The following MAOA variants were observed in gnomAD, a reference collection of about 807,000 sequenced individuals.
MAOA encodes amine oxidase [flavin-containing] A.
Under a neutral mutation model 42.0 loss-of-function variants are expected in MAOA, and 6 were observed. The ratio of observed to expected loss-of-function variants is 0.14; its 90% CI spans 0.08 to 0.28. MAOA has a LOEUF of 0.28. Among genes scored for constraint, MAOA ranks in the 10% least tolerant of loss-of-function variants. MAOA has a pLI of 1.00. For missense variants in MAOA, 262 were observed against 422.3 expected (o/e 0.62, Z 3.33); for synonymous variants, 140 against 154.0 (o/e 0.91, Z 0.67).
intron 3 of MAOA, among the ~76,000 whole-genome samples, chrX:43,698,852 T>C (rs774209428): frequency 4.7e-4 from 53 of 112,416 alleles, no homozygotes; most frequent in Non-Finnish European, 9.0e-4. Context: ...ATATCTGATC[T>C]GTGAAATTAA....
chrX:43,665,653 G>A (rs1303222545), intron 1 of MAOA, among the ~76,000 whole-genome samples: 1 of 111,683 alleles, frequency 9.0e-6, no homozygotes, highest in Non-Finnish European at 1.9e-5. Context: ...TGAATTCAGG[G>A]CAAATTGAAG....
chrX:43,743,374 G>T (rs765905426), intron 12 of MAOA, among the ~76,000 whole-genome samples: 2 of 111,140 alleles, frequency 1.8e-5, no homozygotes, highest in African/African-American at 6.6e-5. Flanking sequence ...AGTTCCTCCT[G>T]ACACACTGGG....
intron 3 of MAOA, among the ~76,000 whole-genome samples, chrX:43,703,358 C>T (rs1202314016): frequency 8.9e-6 from 1 of 111,866 alleles, no homozygotes; most frequent in Non-Finnish European, 1.9e-5. Context: ...TGTCTTGTTA[C>T]GAGGAGGACG....
At chrX:43,689,062 G>A (rs2033511662) in intron 2 of MAOA, among the ~76,000 whole-genome samples, 1 of 109,944 alleles carries the variant, frequency 9.1e-6, no homozygotes, top group Admixed American at 9.7e-5. Context: ...TAGATTCAGG[G>A]GGTACAGGAT....
At chrX:43,730,046 T>G (rs1255257971) in intron 6 of MAOA, among the ~76,000 whole-genome samples, 3 of 108,717 alleles carry the variant, frequency 2.8e-5, no homozygotes, top group African/African-American at 1.0e-4. Flanking sequence ...ATACAAAAAT[T>G]AGCCAGGTGT....
At chrX:43,713,519 G>A (rs887066722) in intron 5 of MAOA, among the ~76,000 whole-genome samples, 7 of 111,824 alleles carry the variant, frequency 6.3e-5, no homozygotes, top group African/African-American at 2.3e-4. Flanking sequence ...GGAATACTAG[G>A]AAATGAGAGG....
chrX:43,729,477 G>A (rs150287750), intron 6 of MAOA, among the ~76,000 whole-genome samples: 1,123 of 111,673 alleles, frequency 0.01, 16 homozygotes, highest in African/African-American at 0.035. Context: ...TAGACCTGGA[G>A]GGGTGGACAG....
chrX:43,736,764 G>GT lies in MAOA; in HGVS notation c.1106+497dup, dbSNP rs1238461275. Among the ~76,000 whole-genome samples, 801 of 101,296 alleles carry GT rather than the reference G, an allele frequency of 7.9e-3. 11 individuals are homozygous for GT. Among genetic ancestry groups the GT allele is most frequent in the Admixed American group, 0.05 (469 of 9,368 alleles). 88.0% of individuals were successfully genotyped at this position (101,296 alleles called of 115,157 possible). ...GTATAAAATTTATTTTAGGACAGTGGTTTTTTTTTTTTTCTTTCTTTCTCC... is the reference window on the plus strand; with the variant it reads ...GTATAAAATTTATTTTAGGACAGTGGTTTTTTTTTTTTTTCTTTCTTTCTCC... On this transcript the variant is annotated intron_variant, in intron 10 of 14. Coordinates refer to ENST00000338702, the MANE Select transcript of MAOA (RefSeq NM_000240.4).
At chrX:43,710,335 G>A (rs1011302994) in intron 3 of MAOA, among the ~76,000 whole-genome samples, 10 of 112,460 alleles carry the variant, frequency 8.9e-5, no homozygotes, top group African/African-American at 3.2e-4. Context: ...CACATATTCT[G>A]CCAAGGTTAT....
chrX:43,736,493 A>G (rs2033921131), intron 10 of MAOA, among the ~76,000 whole-genome samples: 1 of 111,356 alleles, frequency 9.0e-6, no homozygotes, highest in African/African-American at 3.3e-5. Context: ...TTTATTTTAC[A>G]GTAGTTAAGA....
At chrX:43,683,029 A>G (rs1199317166) in intron 1 of MAOA, among the ~76,000 whole-genome samples, 2 of 112,047 alleles carry the variant, frequency 1.8e-5, no homozygotes, top group African/African-American at 3.2e-5. Context: ...TCTAGCAAGC[A>G]TGTAATCAAA....
At chrX:43,668,218 C>T (rs183795566) in intron 1 of MAOA, among the ~76,000 whole-genome samples, 18 of 112,260 alleles carry the variant, frequency 1.6e-4, no homozygotes, top group African/African-American at 4.8e-4. Flanking sequence ...TTTTATATTT[C>T]TCCAGTTATG....
chrX:43,731,679 TTG>T lies in MAOA; in HGVS notation c.796-7_796-6del, dbSNP rs776818874. Reference sequence around the variant, plus strand: ...GCTCACATTTGAGGTAATATTTTGCTTGTGTGTGTTTTAGTGCAAATACGTAA... The same window carrying T: ...GCTCACATTTGAGGTAATATTTTGCTTGTGTGTTTTAGTGCAAATACGTAA... On this transcript the variant is annotated splice_polypyrimidine_tract_variant and intron_variant, in intron 7 of 14. Coordinates refer to ENST00000338702, the MANE Select transcript of MAOA (RefSeq NM_000240.4). 8.3e-7 allele frequency: 1 copy of T among 1,207,896 alleles called. No homozygotes were observed. The highest frequency in any genetic ancestry group is 1.8e-5 in the South Asian group (1 of 56,885).
intron 2 of MAOA, among the ~76,000 whole-genome samples, chrX:43,686,073 T>C (rs941308340): frequency 8.9e-6 from 1 of 112,475 alleles, no homozygotes; most frequent in Non-Finnish European, 1.9e-5. Context: ...ATAGTGCAAA[T>C]GAAGAGCTGC....
At chrX:43,712,959 A>C (rs1046203442) in intron 5 of MAOA, among the ~76,000 whole-genome samples, 163 bp downstream of exon 5, 1 of 112,821 alleles carries the variant, frequency 8.9e-6, no homozygotes, top group African/African-American at 3.2e-5. Flanking sequence ...AAAGTAGGTT[A>C]GAACAGAAAA....
intron 3 of MAOA, among the ~76,000 whole-genome samples, chrX:43,705,831 T>C (rs2033655313): frequency 8.9e-6 from 1 of 112,170 alleles, no homozygotes; most frequent in Non-Finnish European, 1.9e-5. Flanking sequence ...AAAAAAGATA[T>C]GCACATGATC....
chrX:43,722,658 T>C (rs773366727), intron 5 of MAOA, among the ~76,000 whole-genome samples: 1 of 111,996 alleles, frequency 8.9e-6, no homozygotes, highest in East Asian at 2.8e-4. Flanking sequence ...CTGATAATAA[T>C]TTATTTTGCT....
At chrX:43,709,561 AT>A (rs1181883580) in intron 3 of MAOA, among the ~76,000 whole-genome samples, 1 of 110,933 alleles carries the variant, frequency 9.0e-6, no homozygotes, top group Non-Finnish European at 1.9e-5. Flanking sequence ...TTTTAATAAA[AT>A]TTTTTTCCAA....
At chrX:43,686,403 C>T (rs1317500861) in intron 2 of MAOA, among the ~76,000 whole-genome samples, 1 of 112,198 alleles carries the variant, frequency 8.9e-6, no homozygotes, top group Non-Finnish European at 1.9e-5. Flanking sequence ...TGACATTACA[C>T]CCCCCTTAGG....
Sources: gnomAD v4.1 joint callset for allele counts (sites outside exome capture counted in the v4.1 genomes callset) on GRCh38, gnomAD v4.1.1 for gene constraint, MANE v1.5 for transcripts, NCBI Gene and HGNC (gene_info 2026-07-23, HGNC 2026-07-21) for gene names.